The following CDH7 variants were observed in gnomAD, a reference collection of about 807,000 sequenced individuals.
CDH7 encodes cadherin-7.
In CDH7, 25 loss-of-function variants were observed where a neutral mutation model predicts 71.8. The ratio of observed to expected loss-of-function variants is 0.35; its 90% CI spans 0.25 to 0.49. CDH7 has a LOEUF of 0.49. Ranked by LOEUF, CDH7 falls within the 20% of genes least tolerant of loss-of-function variation. CDH7 has a pLI of 0.99. For missense variants in CDH7, 862 were observed against 974.6 expected, an observed-to-expected ratio of 0.88 and a Z score of 1.54; for synonymous variants, 381 against 363.8, an observed-to-expected ratio of 1.05 and a Z score of -0.54.
At chr18:65,798,244 A>G (rs934739097) in intron 2 of CDH7, among the ~76,000 whole-genome samples, 1 of 152,222 alleles carries the variant, frequency 6.6e-6, no homozygotes, top group African/African-American at 2.4e-5. Context: ...AGAGTATGTC[A>G]GATATCTACT....
intron 2 of CDH7, among the ~76,000 whole-genome samples, chr18:65,773,167 C>A (rs1159906879): frequency 6.6e-6 from 1 of 152,114 alleles, no homozygotes; most frequent in Non-Finnish European, 1.5e-5. Flanking sequence ...AACAGTCATA[C>A]AACAGCTCTT....
At chr18:65,765,529 T>G (rs912202635) in intron 2 of CDH7, among the ~76,000 whole-genome samples, 5 of 151,080 alleles carry the variant, frequency 3.3e-5, no homozygotes, top group African/African-American at 4.9e-5. Context: ...CAGAAAGAAA[T>G]AAAAATTATA....
intron 11 of CDH7, chr18:65,866,315 C>CAAAAAAAACAAAAAAAAAAAAAA (rs1913753284): frequency 7.4e-4 from 1 of 1,354 alleles, no homozygotes; most frequent in Non-Finnish European, 1.7e-3. Context: ...AAAAAAAAAA[C>CAAAAAAAACAAAAAAAAAAAAAA]AAAAAAAAAA....
chr18:65,771,173 G>T (rs1916531385), intron 2 of CDH7, among the ~76,000 whole-genome samples: 1 of 152,130 alleles, frequency 6.6e-6, no homozygotes, highest in Non-Finnish European at 1.5e-5. Flanking sequence ...CACATTGGGA[G>T]TTAGGGTTTC....
chr18:65,828,222 TA>T (rs1243493682), intron 6 of CDH7, among the ~76,000 whole-genome samples: 2 of 152,084 alleles, frequency 1.3e-5, no homozygotes, highest in Admixed American at 6.5e-5. Context: ...TAAACAAACA[TA>T]AACAAATAAT....
At chr18:65,860,347 A>G (rs890134692) in intron 10 of CDH7, among the ~76,000 whole-genome samples, 1 of 152,184 alleles carries the variant, frequency 6.6e-6, no homozygotes, top group African/African-American at 2.4e-5. Flanking sequence ...ATAATGTTAA[A>G]AATAACAAAA....
intron 10 of CDH7, among the ~76,000 whole-genome samples, chr18:65,862,020 A>G (rs1479632032): frequency 6.6e-6 from 1 of 152,170 alleles, no homozygotes; most frequent in Admixed American, 6.6e-5. Flanking sequence ...GTTCATAATT[A>G]CTATAATTGC....
intron 7 of CDH7, among the ~76,000 whole-genome samples, chr18:65,852,364 G>A (rs566329567): frequency 8.5e-5 from 13 of 152,290 alleles, no homozygotes; most frequent in African/African-American, 3.1e-4. Context: ...TGCTTGGCTA[G>A]TAGCAGCAAA....
At chr18:65,811,509 G>A (rs893422341) in intron 3 of CDH7, among the ~76,000 whole-genome samples, 1 of 152,076 alleles carries the variant, frequency 6.6e-6, no homozygotes, top group African/African-American at 2.4e-5. Context: ...TGACCAAACA[G>A]GTGTATTCAC....
chr18:65,824,609 T>G (rs1912056293), intron 5 of CDH7, 35 bp from the exon 6 acceptor site: 1 of 1,418,150 alleles, frequency 7.1e-7, no homozygotes. Context: ...GTTAGTTTGG[T>G]GTAACGTGTT....
rs1914299063 is a variant in CDH7 at position 65,883,836 on chromosome 18, A to G, written c.*2942A>G. 1 of 152,176 alleles carries G rather than the reference A, an allele frequency of 6.6e-6. No homozygotes were observed. The highest frequency in any genetic ancestry group is 2.4e-5 in the African/African-American group (1 of 41,474). The allele number at this position is 152,176 out of a possible 1,614,324, so 9.4% of individuals were successfully genotyped here. On this transcript the variant is annotated 3_prime_UTR_variant, in exon 12 of 12. Coordinates refer to ENST00000397968, the MANE Select transcript of CDH7 (RefSeq NM_004361.5). ...AAAGGAATTTATGCTATATTTTACT[A>G]CTAAATAACAATGTATGTGGTAGTG...
At chr18:65,812,975 T>C (rs2333444) in intron 3 of CDH7, among the ~76,000 whole-genome samples, 133,278 of 152,246 alleles carry the variant, frequency 0.88, 59,604 homozygotes, top group East Asian at 0.99. Flanking sequence ...ATTTAAAATA[T>C]GCATTATTTA....
chr18:65,754,484 CT>C (rs1395765365), intron 1 of CDH7, among the ~76,000 whole-genome samples: 1 of 152,058 alleles, frequency 6.6e-6, no homozygotes, highest in Non-Finnish European at 1.5e-5. Flanking sequence ...AAAATTATAC[CT>C]TTTAAGTACA....
At chr18:65,758,389 A>G (rs1470156322) in intron 1 of CDH7, among the ~76,000 whole-genome samples, 1 of 152,164 alleles carries the variant, frequency 6.6e-6, no homozygotes, top group Non-Finnish European at 1.5e-5. Flanking sequence ...GTGGCACCTG[A>G]CCTGAGGCCA....
At chr18:65,854,493 T>A (rs1216524950) in intron 7 of CDH7, among the ~76,000 whole-genome samples, 1 of 138,784 alleles carries the variant, frequency 7.2e-6, no homozygotes, top group Non-Finnish European at 1.6e-5. Context: ...GTTTAGCATA[T>A]TAAATAAATT....
At chr18:65,854,027 G>A (rs562743351) in intron 7 of CDH7, among the ~76,000 whole-genome samples, 7 of 148,378 alleles carry the variant, frequency 4.7e-5, no homozygotes, top group South Asian at 4.3e-4. Flanking sequence ...GGGTCTGGGC[G>A]TGGTGTGTGG....
intron 6 of CDH7, among the ~76,000 whole-genome samples, chr18:65,834,048 C>G (rs1912447395): frequency 1.3e-5 from 2 of 152,214 alleles, no homozygotes; most frequent in South Asian, 4.2e-4. Context: ...CCCCCCTGCC[C>G]TCCCACGGCG....
At chr18:65,780,701 ACTGTAG>A (rs1303117527) in intron 2 of CDH7, among the ~76,000 whole-genome samples, 1 of 151,150 alleles carries the variant, frequency 6.6e-6, no homozygotes, top group Admixed American at 6.6e-5. Flanking sequence ...TGTTTTGGTT[ACTGTAG>A]CCTTGTAGTG....
In CDH7 at chr18:65,781,772, T is replaced by TTTCTTTCTTTCTTTCTTTCTA. The variant is rs1568181261; in HGVS notation, c.210+18721_210+18722insTCTTTCTTTCTTTCTTTCTAT. On this transcript the variant is annotated intron_variant, in intron 2 of 11. Coordinates refer to ENST00000397968, the MANE Select transcript of CDH7 (RefSeq NM_004361.5). ...TTGATTTCTTTCTTTCTTTCTTTCC[T>TTTCTTTCTTTCTTTCTTTCTA]TCCTTCCTTCCTTCCTTCCTTCCTT... is the stretch of plus-strand genomic sequence containing the variant. Among the ~76,000 whole-genome samples the TTTCTTTCTTTCTTTCTTTCTA allele has an allele frequency of 5.4e-3, 410 of 75,696 alleles. 61 individuals carry two copies. Among genetic ancestry groups the TTTCTTTCTTTCTTTCTTTCTA allele is most frequent in the South Asian group, 0.013 (21 of 1,592 alleles). 49.7% of individuals were successfully genotyped at this position (75,696 alleles called of 152,430 possible).
Sources: gnomAD v4.1 joint callset for allele counts (sites outside exome capture counted in the v4.1 genomes callset) on GRCh38, gnomAD v4.1.1 for gene constraint, MANE v1.5 for transcripts, NCBI Gene and HGNC (gene_info 2026-07-23, HGNC 2026-07-21) for gene names.